CHD2: variants seen among roughly 807,000 people sequenced by gnomAD.
CHD2 encodes the protein chromodomain helicase DNA binding protein 2.
In CHD2, 28 loss-of-function variants were observed where a neutral mutation model predicts 243.9. The ratio of observed to expected loss-of-function variants is 0.11; its 90% CI spans 0.09 to 0.16. CHD2 has a LOEUF of 0.16. Ranked by LOEUF, CHD2 falls within the 10% of genes least tolerant of loss-of-function variation. CHD2 has a pLI of 1.00. For synonymous variants in CHD2, 775 were observed against 779.0 expected (o/e 0.99, Z 0.09); for missense variants, 1,386 against 2,209.8 (o/e 0.63, Z 7.47).
At chr15:92,978,521 A>T (rs1014520599) in intron 21 of CHD2, 138 bp downstream of exon 21, 126 of 855,816 alleles carry the variant, frequency 1.5e-4, no homozygotes, top group Non-Finnish European at 2.7e-5. Flanking sequence ...CTGTTTGTTA[A>T]CTAGCACAGA....
chr15:93,022,866 A>G (rs1190711605), intron 38 of CHD2, among the ~76,000 whole-genome samples: 1 of 152,150 alleles, frequency 6.6e-6, no homozygotes, highest in Non-Finnish European at 1.5e-5. Flanking sequence ...CTCAGGGATC[A>G]CTGTTCTTCA....
At chr15:92,971,675 C>A in intron 17 of CHD2, 90 bp from the exon 18 acceptor site, 1 of 1,149,478 alleles carries the variant, frequency 8.7e-7, no homozygotes, top group Non-Finnish European at 1.2e-6. Flanking sequence ...TTTTTCTCCA[C>A]AATACTACTA....
At chr15:93,010,710 C>T (rs749233368) in intron 35 of CHD2, among the ~76,000 whole-genome samples, 2 of 152,222 alleles carry the variant, frequency 1.3e-5, no homozygotes, top group Non-Finnish European at 2.9e-5. Flanking sequence ...AGGCATGAGC[C>T]ACTGCGCCCA....
intron 17 of CHD2, among the ~76,000 whole-genome samples, chr15:92,969,221 T>C (rs2053807455): frequency 6.6e-6 from 1 of 152,234 alleles, no homozygotes; most frequent in Non-Finnish European, 1.5e-5. Flanking sequence ...TAGTTGAGTT[T>C]TTATCACTTG....
intron 26 of CHD2, among the ~76,000 whole-genome samples, chr15:92,986,589 C>G (rs2054046128): frequency 6.6e-6 from 1 of 152,042 alleles, no homozygotes. Context: ...ATATACACAC[C>G]CCACCTCTTC....
chr15:92,910,458 T>C (rs944742034), intron 2 of CHD2, among the ~76,000 whole-genome samples: 1 of 152,098 alleles, frequency 6.6e-6, no homozygotes, highest in African/African-American at 2.4e-5. Flanking sequence ...AGTGGCGCCG[T>C]CTCAGCTCAT....
intron 5 of CHD2, among the ~76,000 whole-genome samples, chr15:92,931,818 C>A (rs982921415): frequency 6.6e-6 from 1 of 151,226 alleles, no homozygotes; most frequent in African/African-American, 2.4e-5. Flanking sequence ...TTTATAAGCA[C>A]AGTACAGTAC....
At chr15:92,937,691 TGTC>T (rs1463395761) in intron 6 of CHD2, 66 bp downstream of exon 6, 1 of 1,201,990 alleles carries the variant, frequency 8.3e-7, no homozygotes, top group Non-Finnish European at 1.2e-6. Context: ...GGAAGGATAA[TGTC>T]GTGCTGAAAT....
Position 92,979,065 on chromosome 15 carries a change from TC to T in CHD2, c.2728-68del, listed in dbSNP as rs1596428909. On this transcript the variant is annotated intron_variant, in intron 21 of 38. Coordinates refer to ENST00000394196, the MANE Select transcript of CHD2 (RefSeq NM_001271.4). ...CCCTCTTGGGTTTTGACAGAGCTAA[TC>T]CTTCTCTCTTTTTTTGGGGGGGTTG... 11 of 1,571,602 alleles carry T rather than the reference TC, an allele frequency of 7.0e-6. 1 individual carries two copies. In the East Asian group the frequency reaches 2.5e-4, roughly 35 times the overall value.
At chr15:92,936,114 C>T (rs759500221) in intron 5 of CHD2, among the ~76,000 whole-genome samples, 8 of 152,118 alleles carry the variant, frequency 5.3e-5, no homozygotes, top group East Asian at 1.9e-4. Flanking sequence ...ACTGACCGTC[C>T]GTGGAAGGCC....
intron 20 of CHD2, among the ~76,000 whole-genome samples, chr15:92,975,889 A>T (rs920426205): frequency 3.3e-5 from 5 of 152,276 alleles, no homozygotes; most frequent in Admixed American, 6.5e-5. Context: ...TTCATTAAGG[A>T]TAAGAGGAAT....
chr15:92,919,973 T>TA (rs1359051456), intron 2 of CHD2, among the ~76,000 whole-genome samples: 3 of 152,212 alleles, frequency 2.0e-5, no homozygotes, highest in African/African-American at 7.2e-5. Context: ...AACTTGGTGT[T>TA]AATCTTTTCT....
At chr15:93,024,285 T>C (rs552852053) in intron 38 of CHD2, 87 bp from the exon 39 acceptor site, 8 of 1,156,824 alleles carry the variant, frequency 6.9e-6, no homozygotes, top group South Asian at 2.9e-5. Context: ...AATATGAGTA[T>C]ATGAGGAAGA....
chr15:92,970,610 G>C (rs772665640), intron 17 of CHD2, among the ~76,000 whole-genome samples: 1 of 152,012 alleles, frequency 6.6e-6, no homozygotes, highest in Non-Finnish European at 1.5e-5. Flanking sequence ...TTTCTCTTAG[G>C]TAAGTGGTAG....
At chr15:92,908,127 A>G (rs1331861094) in intron 2 of CHD2, among the ~76,000 whole-genome samples, 1 of 150,418 alleles carries the variant, frequency 6.6e-6, no homozygotes, top group African/African-American at 2.5e-5. Flanking sequence ...GTCTGAGTAG[A>G]TAACTACCCA....
rs201137739 is a variant in CHD2, at chr15:92,967,310, C to G, written c.2001-15C>G. 6.4e-4 allele frequency: 1,021 copies of G among 1,585,730 alleles called. No individual in the cohort carries two copies. The highest frequency in any genetic ancestry group is 7.9e-4 in the Non-Finnish European group (915 of 1,162,456). ...CTCAATGTGGCTAAATAACACTATA[C>G]TGTTTCTTCCCTAGGTTTGAATTTT... On this transcript the variant is annotated splice_polypyrimidine_tract_variant and intron_variant, in intron 16 of 38. Coordinates refer to ENST00000394196, the MANE Select transcript of CHD2 (RefSeq NM_001271.4).
chr15:92,950,111 C>A (rs1045608571), intron 13 of CHD2, among the ~76,000 whole-genome samples: 1 of 152,142 alleles, frequency 6.6e-6, no homozygotes, highest in Non-Finnish European at 1.5e-5. Context: ...TGCCTGGGCA[C>A]GTTCGGACAT....
Position 93,024,792 on chromosome 15 carries a change from G to GT in CHD2, c.*88dup, listed in dbSNP as rs1321052428. The GT allele has an allele frequency of 8.6e-7, 1 of 1,160,634 alleles. No individual in the cohort carries two copies. The highest frequency in any genetic ancestry group is 1.2e-6 in the Non-Finnish European group (1 of 825,714). The allele number at this position is 1,160,634 out of a possible 1,614,324, so 71.9% of individuals were successfully genotyped here. Reference sequence around the variant, plus strand: ...CTACAGTAGCCGGTTATCTAGACCAGTAAGTGGAGTTTTGGACATGCTGCT... The same window carrying GT: ...CTACAGTAGCCGGTTATCTAGACCAGTTAAGTGGAGTTTTGGACATGCTGCT... On this transcript the variant is annotated 3_prime_UTR_variant, in exon 39 of 39. Coordinates refer to ENST00000394196, the MANE Select transcript of CHD2 (RefSeq NM_001271.4).
At chr15:92,945,897 T>C (rs989792234) in intron 11 of CHD2, 32 bp downstream of exon 11, 3 of 1,534,826 alleles carry the variant, frequency 2.0e-6, no homozygotes, top group African/African-American at 1.4e-5. Flanking sequence ...TAAATGTTCT[T>C]CAACATTTCA....
Sources: gnomAD v4.1 joint callset for allele counts (sites outside exome capture counted in the v4.1 genomes callset) on GRCh38, gnomAD v4.1.1 for gene constraint, MANE v1.5 for transcripts, NCBI Gene and HGNC (gene_info 2026-07-23, HGNC 2026-07-21) for gene names.